EPHA3: variants seen among roughly 807,000 people sequenced by gnomAD.
The protein encoded by EPHA3 is EPH receptor A3.
In EPHA3, 42 loss-of-function variants were observed where a neutral mutation model predicts 107.1. The observed-to-expected ratio is 0.39, with a 90% CI of 0.31 to 0.51. The LOEUF is 0.51. EPHA3 is among the 20% of genes least tolerant of loss of function. The probability of loss-of-function intolerance (pLI) is 0.78; values close to 1 mark genes in which losing one functional copy is unlikely to be tolerated. For missense variants in EPHA3, 1,183 were observed against 1,211.2 expected (o/e 0.98, Z 0.35); for synonymous variants, 461 against 424.8 (o/e 1.09, Z -1.05).
intron 5 of EPHA3, among the ~76,000 whole-genome samples, chr3:89,374,710 G>A (rs550340453): frequency 6.6e-6 from 1 of 151,462 alleles, no homozygotes; most frequent in Non-Finnish European, 1.5e-5. Flanking sequence ...AGGGCCAATT[G>A]TCATGATACA....
intron 9 of EPHA3, among the ~76,000 whole-genome samples, chr3:89,410,084 T>C (rs1180105519): frequency 1.3e-5 from 2 of 151,968 alleles, no homozygotes; most frequent in Admixed American, 6.6e-5. Flanking sequence ...ATTCCTGGAA[T>C]CTCTGGGGTC....
chr3:89,131,073 C>T (rs1704198661), intron 2 of EPHA3, among the ~76,000 whole-genome samples: 1 of 152,108 alleles, frequency 6.6e-6, no homozygotes, highest in Non-Finnish European at 1.5e-5. Flanking sequence ...CTTTAATTTT[C>T]TCTAAATGAA....
intron 11 of EPHA3, among the ~76,000 whole-genome samples, chr3:89,428,297 C>A (rs1400303035): frequency 6.6e-6 from 1 of 151,864 alleles, no homozygotes; most frequent in African/African-American, 2.4e-5. Context: ...GCCTCTGTGT[C>A]TCAGTTTTCT....
chr3:89,397,624 C>A (rs911979963), intron 6 of EPHA3, among the ~76,000 whole-genome samples: 1 of 143,688 alleles, frequency 7.0e-6, no homozygotes, highest in African/African-American at 2.6e-5. Context: ...ACTCTTGTTG[C>A]CCAGGCTGGA....
At chr3:89,358,707 G>GT (rs1427168888) in intron 5 of EPHA3, among the ~76,000 whole-genome samples, 1 of 151,008 alleles carries the variant, frequency 6.6e-6, no homozygotes, top group East Asian at 1.9e-4. Flanking sequence ...AAGTATAATA[G>GT]TTTTATCTTT....
chr3:89,440,696 G>A (rs1311541901), intron 13 of EPHA3, among the ~76,000 whole-genome samples: 1 of 152,152 alleles, frequency 6.6e-6, no homozygotes, highest in African/African-American at 2.4e-5. Flanking sequence ...CTGTATCTAG[G>A]CAAAGTGGAC....
Position 89,210,291 on chromosome 3 carries a change from G to C in EPHA3, c.585G>C (p.Val195=). 6.2e-7 allele frequency: 1 copy of C among 1,613,854 alleles called. No individual in the cohort carries two copies. Residue 195 remains valine, a synonymous_variant, in exon 3 of 17, where the codon GTG becomes GTC. Transcript: ENST00000336596. ...DVGACVALVS[V]RVYFKKCPFT... is the part of the protein sequence containing the mutation. The stretch of plus-strand genomic sequence containing the variant: ...GTGCTTGTGTTGCCTTGGTGTCTGT[G>C]AGAGTATACTTCAAAAAGTGCCCAT...
At chr3:89,430,039 C>CA (rs1450107627) in intron 12 of EPHA3, among the ~76,000 whole-genome samples, 2 of 152,178 alleles carry the variant, frequency 1.3e-5, no homozygotes, top group African/African-American at 4.8e-5. Flanking sequence ...GCTAGGATTA[C>CA]AGGCATGAGC....
chr3:89,210,977 C>A (rs968040312), intron 3 of EPHA3, among the ~76,000 whole-genome samples: 13 of 152,070 alleles, frequency 8.5e-5, no homozygotes, highest in Admixed American at 4.6e-4. Context: ...AAAGTACAGT[C>A]TTTTCTTCAC....
At chr3:89,399,874 A>G (rs1402446226) in intron 7 of EPHA3, 2 of 1,072,374 alleles carry the variant, frequency 1.9e-6, no homozygotes, top group Middle Eastern at 4.1e-4. Context: ...GAGAATCTTA[A>G]TTTTGTTTTA....
intron 15 of EPHA3, among the ~76,000 whole-genome samples, chr3:89,467,099 C>G (rs1270824061): frequency 1.3e-5 from 2 of 151,988 alleles, no homozygotes; most frequent in African/African-American, 4.8e-5. Flanking sequence ...TTTATCGTAT[C>G]TGGATTTTTA....
At chr3:89,223,368 A>G (rs1390661561) in intron 3 of EPHA3, among the ~76,000 whole-genome samples, 8 of 152,194 alleles carry the variant, frequency 5.3e-5, no homozygotes, top group Non-Finnish European at 1.2e-4. Flanking sequence ...AAAATGAGAA[A>G]ATGCATTGGC....
intron 13 of EPHA3, among the ~76,000 whole-genome samples, chr3:89,439,007 G>T (rs990873711): frequency 1.8e-4 from 28 of 152,144 alleles, no homozygotes; most frequent in African/African-American, 6.5e-4. Flanking sequence ...TGGAACACAG[G>T]AGCACACAAG....
chr3:89,308,253 C>T (rs998944232), intron 3 of EPHA3, among the ~76,000 whole-genome samples: 3 of 152,072 alleles, frequency 2.0e-5, no homozygotes, highest in Admixed American at 6.6e-5. Context: ...TAGTACATAA[C>T]TGTGTATAAG....
chr3:89,383,739 C>CAG, intron 5 of EPHA3, among the ~76,000 whole-genome samples: 1 of 149,486 alleles, frequency 6.7e-6, no homozygotes, highest in Non-Finnish European at 1.5e-5. Flanking sequence ...AGCTCCACCT[C>CAG]CCGGGTTCAC....
chr3:89,374,345 C>T (rs1708363798), intron 5 of EPHA3, among the ~76,000 whole-genome samples: 1 of 151,824 alleles, frequency 6.6e-6, no homozygotes, highest in Non-Finnish European at 1.5e-5. Context: ...TAGTAAAAGT[C>T]AGTATTAGTC....
chr3:89,428,265 A>T (rs1002635620), intron 11 of EPHA3, among the ~76,000 whole-genome samples: 9 of 152,058 alleles, frequency 5.9e-5, no homozygotes, highest in African/African-American at 2.2e-4. Flanking sequence ...TGTTAGATGT[A>T]TGATGACCAG....
intron 3 of EPHA3, among the ~76,000 whole-genome samples, chr3:89,227,558 T>C (rs1003858323): frequency 2.6e-5 from 4 of 152,010 alleles, no homozygotes; most frequent in Non-Finnish European, 5.9e-5. Flanking sequence ...AGTCATGGTA[T>C]AAATGTAAAT....
chr3:89,390,600 C>CA (rs34753229), intron 5 of EPHA3, among the ~76,000 whole-genome samples: 37,985 of 113,950 alleles, frequency 0.33, 7,063 homozygotes, highest in South Asian at 0.54. Context: ...ACTCCGTTTC[C>CA]AAAAAAAAAA....
Sources: gnomAD v4.1 joint callset for allele counts (sites outside exome capture counted in the v4.1 genomes callset) on GRCh38, gnomAD v4.1.1 for gene constraint, MANE v1.5 for transcripts, NCBI Gene and HGNC (gene_info 2026-07-23, HGNC 2026-07-21) for gene names.